The following USP20 variants were observed in gnomAD, a reference collection of about 807,000 sequenced individuals.
USP20 encodes the protein ubiquitin carboxyl-terminal hydrolase 20.
USP20 carries 80 observed loss-of-function variants against 124.2 expected under a neutral mutation model. The observed-to-expected ratio is 0.64, with a 90% CI of 0.54 to 0.78. USP20 has a LOEUF of 0.78. Among genes scored for constraint, USP20 ranks in the 30% least tolerant of loss-of-function variants. The pLI, the probability that USP20 is intolerant of heterozygous loss-of-function variation, is 0.00. For synonymous variants in USP20, 481 were observed against 512.3 expected (o/e 0.94, Z 0.83); for missense variants, 1,043 against 1,244.4 (o/e 0.84, Z 2.44).
intron 10 of USP20, among the ~76,000 whole-genome samples, chr9:129,867,733 A>G (rs969125961): frequency 5.3e-5 from 8 of 152,108 alleles, no homozygotes; most frequent in Non-Finnish European, 2.9e-5. Flanking sequence ...GGGGAGTTGC[A>G]TGGACCCAGG....
chr9:129,863,379 G>A (rs917136051), intron 9 of USP20, 80 bp downstream of exon 9: 6 of 1,152,128 alleles, frequency 5.2e-6, no homozygotes, highest in Non-Finnish European at 7.4e-6. Context: ...AGTACTTCCT[G>A]TGGATTCAGC....
At chr9:129,837,047 C>G (rs933144007) in intron 1 of USP20, among the ~76,000 whole-genome samples, 1 of 152,176 alleles carries the variant, frequency 6.6e-6, no homozygotes, top group Non-Finnish European at 1.5e-5. Context: ...TGAGCTGCTC[C>G]CACCCTTGCT....
chr9:129,867,320 G>C (rs533299247), intron 10 of USP20, among the ~76,000 whole-genome samples: 13 of 152,320 alleles, frequency 8.5e-5, no homozygotes, highest in African/African-American at 3.1e-4. Flanking sequence ...CTGCTGTGCT[G>C]GTGGCCCAGT....
chr9:129,840,407 G>A (rs1046672342), intron 1 of USP20, among the ~76,000 whole-genome samples: 1 of 152,204 alleles, frequency 6.6e-6, no homozygotes, highest in African/African-American at 2.4e-5. Flanking sequence ...CAGGTCTGGA[G>A]GCTCAGTGGG....
chr9:129,880,150 C>A lies in USP20; in HGVS notation c.2622C>A (p.Thr874=). 1 of 1,613,936 alleles carries A rather than the reference C, an allele frequency of 6.2e-7. No homozygotes were observed. Among genetic ancestry groups the A allele is most frequent in the South Asian group, 1.1e-5 (1 of 91,084 alleles). Residue 874 remains threonine, a synonymous_variant, in exon 25 of 26, where the codon ACC becomes ACA. Transcript: ENST00000372429. ...DYGQISEETW[T]YLNSLYGGGP... Reference sequence around the variant, plus strand: ...GGCAGATTTCGGAGGAGACCTGGACCTACCTGAACAGCCTGTATGGAGGTG... The same window carrying A: ...GGCAGATTTCGGAGGAGACCTGGACATACCTGAACAGCCTGTATGGAGGTG...
At position 129,838,569 on chromosome 9, in the gene USP20, C is replaced by A. The variant is rs79595260; in HGVS notation, c.-129+3070C>A. ...ATGGCTTTTACAGAGCAGAGTTGTG[C>A]CTTAAGGGGAAGATGCATGGTTTCT... is the stretch of plus-strand genomic sequence containing the variant. On this transcript the variant is annotated intron_variant, in intron 1 of 25. Transcript: ENST00000372429. Among the ~76,000 whole-genome samples the A allele has an allele frequency of 5.2e-3, 794 of 152,244 alleles. 5 individuals carry two copies. Among genetic ancestry groups the A allele is most frequent in the African/African-American group, 0.017 (712 of 41,526 alleles).
chr9:129,874,865 A>G lies in USP20; in HGVS notation c.1958A>G (p.Asn653Ser), dbSNP rs759543793. ...HYIAYCQNVI[N>S]GQWYEFDDQY... ...ATCGCCTACTGCCAGAACGTGATCAATGGGCAGTGGTACGAGTTTGATGAC... is the reference window on the plus strand; with the variant it reads ...ATCGCCTACTGCCAGAACGTGATCAGTGGGCAGTGGTACGAGTTTGATGAC... The change falls in exon 19 of 26, where the codon AAT becomes AGT. Residue 653 changes from asparagine (N) to serine (S), a missense_variant. Asn to Ser is a conservative substitution (Grantham distance 46, BLOSUM62 1). Coordinates refer to ENST00000372429, the MANE Select transcript of USP20 (RefSeq NM_001110303.4). The G allele has an allele frequency of 3.0e-5, 49 of 1,614,026 alleles. No homozygotes were observed. Among genetic ancestry groups the G allele is most frequent in the Admixed American group, 1.5e-4 (9 of 60,008 alleles).
intron 4 of USP20, among the ~76,000 whole-genome samples, chr9:129,857,601 C>T (rs1044657578): frequency 6.6e-6 from 1 of 152,226 alleles, no homozygotes; most frequent in Non-Finnish European, 1.5e-5. Context: ...TTCCCACTAC[C>T]TGTGACCCTT....
intron 8 of USP20, 68 bp from the exon 9 acceptor site, chr9:129,863,118 C>A: frequency 7.7e-7 from 1 of 1,297,952 alleles, no homozygotes; most frequent in Non-Finnish European, 1.1e-6. Flanking sequence ...CCCCGCTATG[C>A]AGCCCTTTCT....
At chr9:129,855,031 C>T (rs2033139936) in intron 3 of USP20, among the ~76,000 whole-genome samples, 1 of 152,178 alleles carries the variant, frequency 6.6e-6, no homozygotes, top group Non-Finnish European at 1.5e-5. Flanking sequence ...TGACCTTGCT[C>T]TGTGACAAGG....
At position 129,839,665 on chromosome 9, in the gene USP20, G is replaced by T. The variant is rs534924793; in HGVS notation, c.-129+4166G>T. ...GATGGCTAATGTGGTTGGGGTCAGC[G>T]TGGGCAGGGCTGTGGGCATCGTTGT... On this transcript the variant is annotated intron_variant, in intron 1 of 25. Coordinates refer to ENST00000372429, the MANE Select transcript of USP20 (RefSeq NM_001110303.4). This position sits in a 1 kb window ranked among gnomAD's most constrained non-coding sequence, Gnocchi z 4.5. Among the ~76,000 whole-genome samples, 4 of 152,172 alleles carry T rather than the reference G, an allele frequency of 2.6e-5. No homozygotes were observed. Among genetic ancestry groups the T allele is most frequent in the African/African-American group, 9.6e-5 (4 of 41,498 alleles).
In USP20 at chr9:129,869,670, A is replaced by G; in HGVS notation, c.1393-2A>G. The G allele has an allele frequency of 6.2e-7, 1 of 1,613,994 alleles. No individual in the cohort carries two copies. On this transcript the variant is annotated splice_acceptor_variant, in intron 13 of 25. Transcript: ENST00000372429. LOFTEE classifies it high-confidence loss of function. ...GCAGCAGACTGACCTTCAACCCCACAGGTATCCACCACAGTGGAAACGTTC... is the reference window on the plus strand; with the variant it reads ...GCAGCAGACTGACCTTCAACCCCACGGGTATCCACCACAGTGGAAACGTTC...
intron 1 of USP20, among the ~76,000 whole-genome samples, chr9:129,843,012 A>G (rs540526215): frequency 2.6e-5 from 4 of 152,120 alleles, no homozygotes; most frequent in Non-Finnish European, 5.9e-5. Flanking sequence ...TTTATGTTGC[A>G]CATACTCATA....
rs1245603860 is a variant in USP20, at chr9:129,867,209, AC to A, written c.691-794del. On this transcript the variant is annotated intron_variant, in intron 10 of 25. Coordinates refer to ENST00000372429, the MANE Select transcript of USP20 (RefSeq NM_001110303.4). ...CCGCTAGCTGCTGGGGTCTGCTGCC[AC>A]CACCACGTTCTGACCTCCCAGTGCA... is the stretch of plus-strand genomic sequence containing the variant. Among the ~76,000 whole-genome samples, 5 of 152,230 alleles carry A rather than the reference AC, an allele frequency of 3.3e-5. No individual in the cohort carries two copies. The South Asian group carries it at 1.0e-3, about 32-fold the overall frequency.
intron 25 of USP20, 72 bp downstream of exon 25, chr9:129,880,361 C>T (rs1245146570): frequency 6.9e-7 from 1 of 1,459,116 alleles, no homozygotes; most frequent in Non-Finnish European, 9.1e-7. Context: ...CCTCACATGT[C>T]CTTTTGAACA....
intron 6 of USP20, among the ~76,000 whole-genome samples, chr9:129,860,467 TA>T (rs1564207078): frequency 6.6e-6 from 1 of 151,732 alleles, no homozygotes; most frequent in African/African-American, 2.4e-5. Flanking sequence ...TTATTGCCAA[TA>T]AAAAAATGCA....
In USP20 at chr9:129,865,296, C is replaced by T. The variant is rs2131077109; in HGVS notation, c.612-7C>T. 2 of 1,614,068 alleles carry T rather than the reference C, an allele frequency of 1.2e-6. No homozygotes were observed. The highest frequency in any genetic ancestry group is 1.6e-4 in the Middle Eastern group (1 of 6,062). On this transcript the variant is annotated splice_polypyrimidine_tract_variant and splice_region_variant and intron_variant, in intron 9 of 25. Transcript: ENST00000372429. ...TACCTGGACTAATGGGTTTGGGCTT[C>T]CTACAGGCCAAGCTACGTGGTCCCC...
At position 129,880,492 on chromosome 9, in the gene USP20, G is replaced by T. The variant is rs1588296465; in HGVS notation, c.*42G>T. ...CCCCATGTGCCCCACCCCGCGGAAG[G>T]CGTGTTTGTGCCCAGAAGAGAGGCC... On this transcript the variant is annotated 3_prime_UTR_variant, in exon 26 of 26. Transcript: ENST00000372429. The T allele has an allele frequency of 4.9e-6, 3 of 617,830 alleles. No homozygotes were observed. Among genetic ancestry groups the T allele is most frequent in the Non-Finnish European group, 8.2e-6 (3 of 364,580 alleles). The allele number at this position is 617,830 out of a possible 1,614,324, so 38.3% of individuals were successfully genotyped here.
rs72757213 is a variant in USP20, at chr9:129,872,550, T to A, written c.1661-932T>A. Among the ~76,000 whole-genome samples the A allele has an allele frequency of 8.8e-3, 1,343 of 152,340 alleles. 14 individuals carry two copies. Among genetic ancestry groups the A allele is most frequent in the Admixed American group, 0.012 (189 of 15,302 alleles). ...GTTTCATTCTGTGGTTTGTGTCTTT[T>A]GCTTTGGTTGCCTGCACCTTTGGTG... On this transcript the variant is annotated intron_variant, in intron 15 of 25. Transcript: ENST00000372429.
Sources: gnomAD v4.1 joint callset for allele counts (sites outside exome capture counted in the v4.1 genomes callset) on GRCh38, gnomAD v4.1.1 for gene constraint, Gnocchi (gnomAD v3.1) non-coding constraint, MANE v1.5 for transcripts, NCBI Gene and HGNC (gene_info 2026-07-23, HGNC 2026-07-21) for gene names.